The following TFAP2B variants were observed in gnomAD, a reference collection of about 807,000 sequenced individuals.
The protein encoded by TFAP2B is transcription factor AP-2-beta.
In TFAP2B, 9 loss-of-function variants were observed where a neutral mutation model predicts 44.3. The ratio of observed to expected loss-of-function variants is 0.20; its 90% confidence interval spans 0.12 to 0.35. TFAP2B has a LOEUF of 0.35. Ranked by LOEUF, TFAP2B falls within the 10% of genes least tolerant of loss-of-function variation. The pLI, the probability that TFAP2B is intolerant of heterozygous loss-of-function variation, is 1.00. For synonymous variants in TFAP2B, 270 were observed against 263.8 expected (o/e 1.02, Z -0.23); for missense variants, 509 against 600.0 (o/e 0.85, Z 1.59).
rs1158692350 is a variant in TFAP2B at position 50,847,343 on chromosome 6, C to A, written c.*3951C>A. On this transcript the variant is annotated 3_prime_UTR_variant, in exon 7 of 7. Transcript: ENST00000393655. ...ATCTATTGACTCTTCACGAGAAGAGCTCTGGAGGGTATTCATGTTAAGTTT... is the reference window on the plus strand; with the variant it reads ...ATCTATTGACTCTTCACGAGAAGAGATCTGGAGGGTATTCATGTTAAGTTT... 2 of 152,668 alleles carry A rather than the reference C, an allele frequency of 1.3e-5. No homozygotes were observed. Among genetic ancestry groups the A allele is most frequent in the East Asian group, 3.9e-4 (2 of 5,182 alleles). 9.5% of individuals were successfully genotyped at this position (152,668 alleles called of 1,614,324 possible). A position where few individuals can be genotyped will look rare whatever the true frequency, so the allele number is the denominator to read the frequency against.
rs1762818747 is a variant in TFAP2B at position 50,845,140 on chromosome 6, A to G, written c.*1748A>G. On this transcript the variant is annotated 3_prime_UTR_variant, in exon 7 of 7. Coordinates refer to ENST00000393655, the MANE Select transcript of TFAP2B (RefSeq NM_003221.4). ...AATTATCCCGGGATAAGGGTGAATG[A>G]GAGAGGTCTCTAAATATAGTGTTGA... The G allele has an allele frequency of 6.6e-6, 1 of 152,220 alleles. No individual in the cohort carries two copies. Among genetic ancestry groups the G allele is most frequent in the Admixed American group, 6.5e-5 (1 of 15,288 alleles). The allele number at this position is 152,220 out of a possible 1,614,324, so 9.4% of individuals were successfully genotyped here.
At chr6:50,819,657 A>G (rs936584314) in intron 1 of TFAP2B, among the ~76,000 whole-genome samples, 10 of 152,212 alleles carry the variant, frequency 6.6e-5, no homozygotes, top group Admixed American at 2.0e-4. Context: ...ACGGGTCTCT[A>G]GCACTGAGGC....
rs928584866 is a variant in TFAP2B at position 50,844,773 on chromosome 6, A to G, written c.*1381A>G. On this transcript the variant is annotated 3_prime_UTR_variant, in exon 7 of 7. Transcript: ENST00000393655. Reference sequence around the variant, plus strand: ...GTGATTGCTGTTTAAGCAAGGAAAGAAGCAGCTTTACGAGTGGACGTGGGG... The same window carrying G: ...GTGATTGCTGTTTAAGCAAGGAAAGGAGCAGCTTTACGAGTGGACGTGGGG... 1.3e-5 allele frequency: 2 copies of G among 152,230 alleles called. No homozygotes were observed. Among genetic ancestry groups the G allele is most frequent in the Non-Finnish European group, 2.9e-5 (2 of 68,024 alleles). 9.4% of individuals were successfully genotyped at this position (152,230 alleles called of 1,614,324 possible).
chr6:50,825,786 A>G (rs966598111), intron 2 of TFAP2B, among the ~76,000 whole-genome samples: 9 of 151,584 alleles, frequency 5.9e-5, no homozygotes, highest in Admixed American at 6.6e-5. Context: ...CACTCACCCA[A>G]CCCCCACCCT....
At chr6:50,822,252 A>G in intron 1 of TFAP2B, 11 of 1,096,248 alleles carry the variant, frequency 1.0e-5, no homozygotes, top group Non-Finnish European at 1.2e-5. Flanking sequence ...TGTGTCTCAC[A>G]CTCTCTGTCT....
chr6:50,819,695 T>C (rs949168182), intron 1 of TFAP2B, among the ~76,000 whole-genome samples: 4 of 152,210 alleles, frequency 2.6e-5, no homozygotes, highest in African/African-American at 7.2e-5. Flanking sequence ...GCAGGAGAAG[T>C]TGCGCCCAGC....
chr6:50,841,002 G>T (rs1022413563), intron 6 of TFAP2B, among the ~76,000 whole-genome samples: 2 of 152,366 alleles, frequency 1.3e-5, no homozygotes, highest in Admixed American at 6.5e-5. Flanking sequence ...TTTATTTAGT[G>T]TTGGAGGACG....
In TFAP2B at chr6:50,839,405, G is replaced by A. The variant is rs556680541; in HGVS notation, c.941-751G>A. Among the ~76,000 whole-genome samples the A allele has an allele frequency of 6.6e-5, 10 of 152,280 alleles. No individual in the cohort carries two copies. The South Asian group carries it at 8.3e-4, about 13-fold the overall frequency. On this transcript the variant is annotated intron_variant, in intron 5 of 6. Coordinates refer to ENST00000393655, the MANE Select transcript of TFAP2B (RefSeq NM_003221.4). ...GTATTTCAACATATCTGTTTTTCAT[G>A]TATGGGATCTGTCCTTGAACCCCAA... is the stretch of plus-strand genomic sequence containing the variant.
chr6:50,845,661 G>A lies in TFAP2B; in HGVS notation c.*2269G>A, dbSNP rs1257579255. ...ATGTGTTCTGATTGCACAAGGCCAGGAGAGACCACACTGAAAACGATCGTC... is the reference window on the plus strand; with the variant it reads ...ATGTGTTCTGATTGCACAAGGCCAGAAGAGACCACACTGAAAACGATCGTC... On this transcript the variant is annotated 3_prime_UTR_variant, in exon 7 of 7. Coordinates refer to ENST00000393655, the MANE Select transcript of TFAP2B (RefSeq NM_003221.4). 1 of 152,710 alleles carries A rather than the reference G, an allele frequency of 6.5e-6. No homozygotes were observed. Among genetic ancestry groups the A allele is most frequent in the Non-Finnish European group, 1.5e-5 (1 of 68,084 alleles). The allele number at this position is 152,710 out of a possible 1,614,324, so 9.5% of individuals were successfully genotyped here.
chr6:50,826,684 G>A (rs897632719), intron 2 of TFAP2B, among the ~76,000 whole-genome samples: 1 of 151,914 alleles, frequency 6.6e-6, no homozygotes, highest in Admixed American at 6.6e-5. Flanking sequence ...AGGACACCTA[G>A]TTTGGGATTT....
At chr6:50,838,134 T>A in intron 5 of TFAP2B, 41 bp downstream of exon 5, 1 of 1,448,524 alleles carries the variant, frequency 6.9e-7, no homozygotes, top group Non-Finnish European at 9.7e-7. Flanking sequence ...TGGCTGAGCT[T>A]AACTGTCGGC....
intron 1 of TFAP2B, among the ~76,000 whole-genome samples, chr6:50,823,203 A>G (rs1270179374): frequency 1.3e-5 from 2 of 152,044 alleles, no homozygotes; most frequent in African/African-American, 2.4e-5. Context: ...TGCTGAAATC[A>G]TGTGGCCCTC....
intron 3 of TFAP2B, among the ~76,000 whole-genome samples, chr6:50,831,508 G>A (rs879823651): frequency 2.6e-5 from 4 of 152,052 alleles, no homozygotes; most frequent in Admixed American, 6.5e-5. Flanking sequence ...AATCTAAACC[G>A]GCAGAGGGTG....
intron 5 of TFAP2B, among the ~76,000 whole-genome samples, chr6:50,839,494 A>G (rs1241007557): frequency 1.3e-5 from 2 of 152,160 alleles, no homozygotes; most frequent in African/African-American, 2.4e-5. Flanking sequence ...GCTGAGTAAT[A>G]CCTTAGATAC....
In TFAP2B at chr6:50,838,074, A is replaced by G; in HGVS notation, c.921A>G (p.Leu307=). 1 of 1,613,986 alleles carries G rather than the reference A, an allele frequency of 6.2e-7. No individual in the cohort carries two copies. Among genetic ancestry groups the G allele is most frequent in the Non-Finnish European group, 8.5e-7 (1 of 1,179,928 alleles). Residue 307 remains leucine, a synonymous_variant, in exon 5 of 7, where the codon TTA becomes TTG. Transcript: ENST00000393655. ...AGRRKAANVT[L]LTSLVEGEAV... ...GGCGCAAAGCAGCAAATGTCACGTT[A>G]CTCACCTCCCTGGTGGAAGGTAAGC...
intron 1 of TFAP2B, among the ~76,000 whole-genome samples, chr6:50,820,166 G>T (rs1770298834): frequency 6.6e-6 from 1 of 152,128 alleles, no homozygotes; most frequent in African/African-American, 2.4e-5. Context: ...CCCGGGTGGC[G>T]GGCGCGGGCC....
chr6:50,828,534 A>G (rs1362932039), intron 2 of TFAP2B, 85 bp from the exon 3 acceptor site: 7 of 1,200,216 alleles, frequency 5.8e-6, no homozygotes, highest in Middle Eastern at 2.0e-4. Flanking sequence ...GAAATAACAG[A>G]AACTCCAGTT....
At chr6:50,839,593 A>G (rs1255299544) in intron 5 of TFAP2B, among the ~76,000 whole-genome samples, 1 of 152,134 alleles carries the variant, frequency 6.6e-6, no homozygotes, top group African/African-American at 2.4e-5. Flanking sequence ...AAGGGGAGAA[A>G]CCTGAAACTT....
At position 50,823,455 on chromosome 6, in the gene TFAP2B, G is replaced by T; in HGVS notation, c.130G>T (p.Gly44Cys). 1 of 1,609,950 alleles carries T rather than the reference G, an allele frequency of 6.2e-7. No homozygotes were observed. ...PSHSSRLSQL[G>C]SVSQGPYSSA... ...CCACAGCTCGCGGCTCTCCCAGCTG[G>T]GCTCGGTGTCCCAAGGACCCTACTC... Residue 44 changes from glycine to cysteine, a missense_variant, in exon 2 of 7, where the codon GGC becomes TGC. Transcript: ENST00000393655.
Sources: allele counts gnomAD v4.1 joint callset (sites outside exome capture counted in the v4.1 genomes callset), GRCh38; gene constraint gnomAD v4.1.1; transcripts MANE v1.5; gene names NCBI Gene and HGNC (gene_info 2026-07-23, HGNC 2026-07-21).